Variants in MINK1 observed in about 807,000 individuals in gnomAD.
MINK1 encodes misshapen like kinase 1.
In MINK1, 46 loss-of-function variants were observed where a neutral mutation model predicts 178.4. The ratio of observed to expected loss-of-function variants is 0.26; its 90% confidence interval spans 0.20 to 0.33. MINK1 has a LOEUF of 0.33. Among genes scored for constraint, MINK1 ranks in the 10% least tolerant of loss-of-function variants. The pLI is 1.00. For missense variants in MINK1, 1,366 were observed against 1,814.9 expected, an observed-to-expected ratio of 0.75 and a Z score of 4.49; for synonymous variants, 797 against 709.7, an observed-to-expected ratio of 1.12 and a Z score of -1.96.
At chr17:4,840,479 G>T (rs187065296) in intron 1 of MINK1, among the ~76,000 whole-genome samples, 220 of 152,012 alleles carry the variant, frequency 1.4e-3, no homozygotes, top group African/African-American at 5.1e-3. Flanking sequence ...TACTTACTGG[G>T]GGAGGGACTC....
At chr17:4,882,356 T>G (rs565987098) in intron 4 of MINK1, among the ~76,000 whole-genome samples, 2 of 152,346 alleles carry the variant, frequency 1.3e-5, no homozygotes, top group African/African-American at 4.8e-5. Context: ...GAAGACTGGT[T>G]GGAGCCATCT....
intron 21 of MINK1, 148 bp downstream of exon 21, chr17:4,893,745 C>G (rs376607862): frequency 3.3e-6 from 4 of 1,208,594 alleles, no homozygotes; most frequent in African/African-American, 3.1e-5. Flanking sequence ...GTTCCTGTCT[C>G]TCTCCCGCTG....
intron 1 of MINK1, among the ~76,000 whole-genome samples, chr17:4,869,509 T>C (rs1180095029): frequency 2.0e-5 from 3 of 149,946 alleles, no homozygotes; most frequent in Non-Finnish European, 4.4e-5. Context: ...ACTCCTGGGC[T>C]CAAGTGATCC....
chr17:4,892,874 C>T (rs2151056603), intron 19 of MINK1, 105 bp from the exon 20 acceptor site: 1 of 1,379,692 alleles, frequency 7.2e-7, no homozygotes, highest in South Asian at 1.3e-5. Context: ...ACAGGGAGGA[C>T]CTGTGTGGGT....
chr17:4,863,565 A>G (rs1477631626), intron 1 of MINK1, among the ~76,000 whole-genome samples: 1 of 152,186 alleles, frequency 6.6e-6, no homozygotes, highest in Non-Finnish European at 1.5e-5. Flanking sequence ...TGAGCCAGGC[A>G]AAGCACACTG....
chr17:4,895,153 C>T lies in MINK1; in HGVS notation c.2996C>T (p.Pro999Leu), dbSNP rs551891002. 1 of 1,614,026 alleles carries T rather than the reference C, an allele frequency of 6.2e-7. No homozygotes were observed. The highest frequency in any genetic ancestry group is 1.7e-5 in the Admixed American group (1 of 60,010). The change falls in exon 25 of 32, where the codon CCC becomes CTC. Residue 999 changes from proline (P) to leucine (L), a missense_variant. Coordinates refer to ENST00000355280, the MANE Select transcript of MINK1 (RefSeq NM_153827.5). This position sits in a 1 kb window ranked among gnomAD's most constrained non-coding sequence, Gnocchi z 4.3. Reference protein sequence around the residue: ...VRKGSVVNVNPTNTRAHSETP... With the variant: ...VRKGSVVNVNLTNTRAHSETP... ...AAGGGTTCTGTGGTCAACGTGAATC[C>T]CACCAACACCCGGGCCCACAGTGAG...
At chr17:4,854,330 C>G (rs1326684831) in intron 1 of MINK1, among the ~76,000 whole-genome samples, 1 of 152,208 alleles carries the variant, frequency 6.6e-6, no homozygotes, top group Non-Finnish European at 1.5e-5. Context: ...TGAAGACCTC[C>G]AGGCTGAGTC....
intron 1 of MINK1, among the ~76,000 whole-genome samples, chr17:4,842,312 T>G (rs1460761128): frequency 6.6e-6 from 1 of 151,906 alleles, no homozygotes; most frequent in African/African-American, 2.4e-5. Context: ...TCTGGGACAG[T>G]GCATCGAAGA....
Position 4,897,506 on chromosome 17 carries a change from C to T in MINK1, c.*219C>T, listed in dbSNP as rs1388901612. 8 of 532,584 alleles carry T rather than the reference C, an allele frequency of 1.5e-5. No individual in the cohort carries two copies. The highest frequency in any genetic ancestry group is 2.7e-5 in the Non-Finnish European group (8 of 298,888). 33.0% of individuals were successfully genotyped at this position (532,584 alleles called of 1,614,324 possible). A position where few individuals can be genotyped will look rare whatever the true frequency, so the allele number is the denominator to read the frequency against. On this transcript the variant is annotated 3_prime_UTR_variant, in exon 32 of 32. Coordinates refer to ENST00000355280, the MANE Select transcript of MINK1 (RefSeq NM_153827.5). ...CTCTTCCCAAAACTGTGCCTGTCCC[C>T]AGCTTCTGGGGAGGGACACAGCTTC...
Position 4,885,811 on chromosome 17 carries a change from G to A in MINK1, c.640-100G>A. ...AAGGCACTGCTGCAGGAATGGGTGT[G>A]GCCCAGGAAGGCTCCTGAGAGGCCA... On this transcript the variant is annotated intron_variant, in intron 7 of 31. Transcript: ENST00000355280. The surrounding 1 kb of genome is among the most constrained non-coding windows in gnomAD (Gnocchi z 5.0). 6.9e-7 allele frequency: 1 copy of A among 1,441,830 alleles called. No homozygotes were observed. Among genetic ancestry groups the A allele is most frequent in the Non-Finnish European group, 9.6e-7 (1 of 1,042,938 alleles). The allele number at this position is 1,441,830 out of a possible 1,614,324, so 89.3% of individuals were successfully genotyped here. A position where few individuals can be genotyped will look rare whatever the true frequency, so the allele number is the denominator to read the frequency against.
At chr17:4,843,876 G>A (rs1229015280) in intron 1 of MINK1, among the ~76,000 whole-genome samples, 1 of 152,210 alleles carries the variant, frequency 6.6e-6, no homozygotes, top group Non-Finnish European at 1.5e-5. Context: ...CATGCTGTTG[G>A]AGGGAGACCT....
Position 4,836,966 on chromosome 17 carries a change from G to C in MINK1, c.57+3326G>C, listed in dbSNP as rs1909394227. On this transcript the variant is annotated intron_variant, in intron 1 of 31. Transcript: ENST00000355280. This position sits in a 1 kb window ranked among gnomAD's most constrained non-coding sequence, Gnocchi z 4.3. Reference sequence around the variant, plus strand: ...GCCGAGGCAGATGGATCACCTGAGAGGTCAGAAGTTCGAGACCAGCCTGGC... The same window carrying C: ...GCCGAGGCAGATGGATCACCTGAGACGTCAGAAGTTCGAGACCAGCCTGGC... Among the ~76,000 whole-genome samples the C allele has an allele frequency of 6.6e-6, 1 of 151,952 alleles. No individual in the cohort carries two copies. The highest frequency in any genetic ancestry group is 1.5e-5 in the Non-Finnish European group (1 of 68,002).
intron 1 of MINK1, chr17:4,861,630 A>T (rs1056871358): frequency 3.7e-6 from 1 of 267,490 alleles, no homozygotes. Context: ...CCTCCCTAGT[A>T]GCTGAGATTA....
In MINK1 at chr17:4,833,742, C is replaced by T; in HGVS notation, c.57+102C>T. On this transcript the variant is annotated intron_variant, in intron 1 of 31. Coordinates refer to ENST00000355280, the MANE Select transcript of MINK1 (RefSeq NM_153827.5). The surrounding 1 kb of genome is among the most constrained non-coding windows in gnomAD (Gnocchi z 4.8). Reference sequence around the variant, plus strand: ...CACGTGCTCCCGGGCGCCCCCTCCACCAGCTTGGGTCCCCTTGGCGACCCG... The same window carrying T: ...CACGTGCTCCCGGGCGCCCCCTCCATCAGCTTGGGTCCCCTTGGCGACCCG... The T allele has an allele frequency of 1.0e-6, 1 of 1,003,714 alleles. No individual in the cohort carries two copies. Among genetic ancestry groups the T allele is most frequent in the South Asian group, 1.8e-5 (1 of 54,832 alleles). The allele number at this position is 1,003,714 out of a possible 1,614,324, so 62.2% of individuals were successfully genotyped here. A position where few individuals can be genotyped will look rare whatever the true frequency, so the allele number is the denominator to read the frequency against.
rs1252894867 is a variant in MINK1 at position 4,883,693 on chromosome 17, G to A, written c.307-670G>A. Among the ~76,000 whole-genome samples, 7 of 146,684 alleles carry A rather than the reference G, an allele frequency of 4.8e-5. No homozygotes were observed. The East Asian group carries it at 6.0e-4, about 13-fold the overall frequency. On this transcript the variant is annotated intron_variant, in intron 4 of 31. Coordinates refer to ENST00000355280, the MANE Select transcript of MINK1 (RefSeq NM_153827.5). ...ACTACAGGAGCCCGCCACCACGCCC[G>A]GCTACTTTTTTTTTTTTTTTTTTTT...
chr17:4,876,986 G>A (rs1189483460), intron 1 of MINK1, among the ~76,000 whole-genome samples: 2 of 152,112 alleles, frequency 1.3e-5, no homozygotes, highest in African/African-American at 4.8e-5. Flanking sequence ...CTGTTCAGGA[G>A]GCTGAGGTGG....
chr17:4,833,489 C>T lies in MINK1; in HGVS notation c.-95C>T. ...GGGGAGGCGCGGTGGAGTCCGCCCC[C>T]GGGGTTCTCCGATGGGGGAGAAGCG... On this transcript the variant is annotated 5_prime_UTR_variant, in exon 1 of 32. Transcript: ENST00000355280. This position sits in a 1 kb window ranked among gnomAD's most constrained non-coding sequence, Gnocchi z 4.8. 1 of 1,098,002 alleles carries T rather than the reference C, an allele frequency of 9.1e-7. No individual in the cohort carries two copies. The highest frequency in any genetic ancestry group is 1.5e-5 in the South Asian group (1 of 67,642). The allele number at this position is 1,098,002 out of a possible 1,614,324, so 68.0% of individuals were successfully genotyped here.
intron 1 of MINK1, among the ~76,000 whole-genome samples, chr17:4,868,553 C>G (rs1915384708): frequency 6.6e-6 from 1 of 152,106 alleles, no homozygotes; most frequent in African/African-American, 2.4e-5. Context: ...AACATAATAT[C>G]CTCTGGGCTC....
chr17:4,885,687 A>G lies in MINK1; in HGVS notation c.639+74A>G. The G allele has an allele frequency of 6.3e-7, 1 of 1,586,292 alleles. No homozygotes were observed. The highest frequency in any genetic ancestry group is 8.6e-7 in the Non-Finnish European group (1 of 1,161,418). Reference sequence around the variant, plus strand: ...AATATGGGGACCACGGGGCCTGAGCAGGCTGGGGAACAGAGGAAGGTCAGA... The same window carrying G: ...AATATGGGGACCACGGGGCCTGAGCGGGCTGGGGAACAGAGGAAGGTCAGA... On this transcript the variant is annotated intron_variant, in intron 7 of 31. Transcript: ENST00000355280. The surrounding 1 kb of genome is among the most constrained non-coding windows in gnomAD (Gnocchi z 5.0).
Sources: gnomAD v4.1 joint callset for allele counts (sites outside exome capture counted in the v4.1 genomes callset) on GRCh38, gnomAD v4.1.1 for gene constraint, Gnocchi (gnomAD v3.1) non-coding constraint, MANE v1.5 for transcripts, NCBI Gene and HGNC (gene_info 2026-07-23, HGNC 2026-07-21) for gene names.